The following MIPOL1 variants were observed in gnomAD, a reference collection of about 807,000 sequenced individuals.
The protein encoded by MIPOL1 is mirror-image polydactyly gene 1 protein.
A neutral mutation model predicts 60.9 loss-of-function variants in MIPOL1; 57 were observed. The observed-to-expected ratio is 0.94, with a 90% CI of 0.76 to 1.17. The LOEUF is 1.17. Ranked by LOEUF, MIPOL1 falls within the 50% of genes most tolerant of loss-of-function variation. The pLI is 0.00. For missense variants in MIPOL1, 551 were observed against 511.6 expected (o/e 1.08, Z -0.74); for synonymous variants, 179 against 168.8 (o/e 1.06, Z -0.47).
chr14:37,472,536 C>G (rs2153590766), intron 11 of MIPOL1, among the ~76,000 whole-genome samples: 1 of 152,220 alleles, frequency 6.6e-6, no homozygotes, highest in East Asian at 1.9e-4. Context: ...GTACCCCCAT[C>G]TAAGTAGAAT....
intron 9 of MIPOL1, among the ~76,000 whole-genome samples, chr14:37,369,285 A>G (rs1329650468): frequency 1.3e-5 from 2 of 152,048 alleles, no homozygotes; most frequent in African/African-American, 2.4e-5. Context: ...TTTGTGATTT[A>G]TATAACATTC....
chr14:37,422,300 G>A (rs139766888), intron 10 of MIPOL1, among the ~76,000 whole-genome samples: 10 of 151,976 alleles, frequency 6.6e-5, no homozygotes, highest in African/African-American at 1.7e-4. Context: ...TTCGGGATTT[G>A]TTTTTCTCCC....
intron 7 of MIPOL1, among the ~76,000 whole-genome samples, chr14:37,287,263 T>A (rs1281011514): frequency 6.6e-6 from 1 of 151,794 alleles, no homozygotes; most frequent in African/African-American, 2.4e-5. Context: ...GTTGGTTGTT[T>A]AGAGACAGAG....
At chr14:37,486,734 C>T (rs145452010) in intron 11 of MIPOL1, among the ~76,000 whole-genome samples, 1,524 of 152,182 alleles carry the variant, frequency 0.01, 25 homozygotes, top group African/African-American at 0.035. Context: ...TGGGCTGAGA[C>T]GATGGGGTTT....
At chr14:37,305,928 T>G (rs1415144096) in intron 7 of MIPOL1, among the ~76,000 whole-genome samples, 2 of 151,840 alleles carry the variant, frequency 1.3e-5, no homozygotes, top group Non-Finnish European at 3.0e-5. Flanking sequence ...AAAAACATAC[T>G]TGAAATTCAC....
intron 12 of MIPOL1, among the ~76,000 whole-genome samples, chr14:37,527,077 C>T (rs780707549): frequency 1.3e-5 from 2 of 151,860 alleles, no homozygotes; most frequent in Non-Finnish European, 2.9e-5. Flanking sequence ...CTGCCTATTC[C>T]TGACCGGTTC....
chr14:37,503,600 A>T (rs2153615774), intron 12 of MIPOL1: 1 of 152,350 alleles, frequency 6.6e-6, no homozygotes, highest in East Asian at 1.9e-4. Context: ...GAGCTCCTGA[A>T]GGAAGCACTA....
chr14:37,545,684 A>T (rs17106826), intron 12 of MIPOL1: 27,585 of 655,660 alleles, frequency 0.042, 1,060 homozygotes, highest in East Asian at 0.14. Flanking sequence ...TAGATACAAA[A>T]TCATCCAATA....
At chr14:37,227,455 C>A (rs1279826381) in intron 1 of MIPOL1, among the ~76,000 whole-genome samples, 1 of 151,954 alleles carries the variant, frequency 6.6e-6, no homozygotes, top group Admixed American at 6.6e-5. Context: ...GAGACACATC[C>A]AAGGTCTAAA....
At chr14:37,454,599 A>G (rs966407049) in intron 11 of MIPOL1, among the ~76,000 whole-genome samples, 9 of 152,192 alleles carry the variant, frequency 5.9e-5, no homozygotes, top group Admixed American at 5.9e-4. Flanking sequence ...TCAACTTTCA[A>G]TCATGGTTCA....
At chr14:37,473,355 A>T (rs1263876177) in intron 11 of MIPOL1, among the ~76,000 whole-genome samples, 4 of 152,074 alleles carry the variant, frequency 2.6e-5, no homozygotes, top group Admixed American at 2.6e-4. Flanking sequence ...TGTGAGCCAA[A>T]TAAACCTTTT....
chr14:37,358,010 C>T (rs2091964660), intron 9 of MIPOL1, among the ~76,000 whole-genome samples: 1 of 151,600 alleles, frequency 6.6e-6, no homozygotes, highest in Admixed American at 6.6e-5. Context: ...CCCTGAGAGG[C>T]CCCCGTGTGT....
At chr14:37,207,448 T>C (rs1235769083) in intron 1 of MIPOL1, among the ~76,000 whole-genome samples, 1 of 152,170 alleles carries the variant, frequency 6.6e-6, no homozygotes, top group African/African-American at 2.4e-5. Context: ...CAGACTAATA[T>C]AGGTAGCAAT....
At chr14:37,234,353 TTTCTTTTC>T (rs996977971) in intron 1 of MIPOL1, among the ~76,000 whole-genome samples, 1 of 144,280 alleles carries the variant, frequency 6.9e-6, no homozygotes, top group African/African-American at 2.9e-5. Flanking sequence ...TTTCTTTTCT[TTTCTTTTC>T]TTTTTTTTTT....
intron 7 of MIPOL1, among the ~76,000 whole-genome samples, chr14:37,292,165 T>G (rs1294754988): frequency 6.6e-6 from 1 of 151,988 alleles, no homozygotes; most frequent in Non-Finnish European, 1.5e-5. Flanking sequence ...GACCTCATGA[T>G]CCGCCCGCTT....
chr14:37,258,943 T>A (rs1975423188), intron 3 of MIPOL1, among the ~76,000 whole-genome samples: 2 of 152,092 alleles, frequency 1.3e-5, no homozygotes, highest in African/African-American at 4.8e-5. Flanking sequence ...TTTTCATGAA[T>A]AGCCAATAGA....
At chr14:37,242,475 C>T (rs1187957238) in intron 1 of MIPOL1, among the ~76,000 whole-genome samples, 1 of 152,100 alleles carries the variant, frequency 6.6e-6, no homozygotes, top group Non-Finnish European at 1.5e-5. Context: ...ATATCTAACT[C>T]CTATAATATT....
At chr14:37,356,236 G>A (rs1005880775) in intron 9 of MIPOL1, among the ~76,000 whole-genome samples, 23 of 151,494 alleles carry the variant, frequency 1.5e-4, no homozygotes, top group African/African-American at 5.6e-4. Flanking sequence ...AGGGGTCAGG[G>A]ACCCACTTGA....
intron 10 of MIPOL1, among the ~76,000 whole-genome samples, chr14:37,406,920 G>A (rs2093597227): frequency 6.6e-6 from 1 of 152,066 alleles, no homozygotes; most frequent in South Asian, 2.1e-4. Flanking sequence ...AGAAGTCTCA[G>A]TATTTAAGTA....
Sources: allele counts gnomAD v4.1 joint callset (sites outside exome capture counted in the v4.1 genomes callset), GRCh38; gene constraint gnomAD v4.1.1; transcripts MANE v1.5; gene names NCBI Gene and HGNC (gene_info 2026-07-23, HGNC 2026-07-21).